Variants in HSPA12A observed in about 807,000 individuals in gnomAD.
HSPA12A encodes the protein heat shock protein family A (Hsp70) member 12A, also known as heat shock 70 kDa protein 12A.
HSPA12A carries 28 observed loss-of-function variants against 69.2 expected under a neutral mutation model. The observed-to-expected ratio is 0.40, with a 90% CI of 0.30 to 0.55. The LOEUF is 0.55. Ranked by LOEUF, HSPA12A falls within the 20% of genes least tolerant of loss-of-function variation. The probability of loss-of-function intolerance (pLI) is 0.38; values close to 1 mark genes in which losing one functional copy is unlikely to be tolerated. For synonymous variants in HSPA12A, 345 were observed against 370.5 expected (o/e 0.93, Z 0.79); for missense variants, 686 against 900.7 (o/e 0.76, Z 3.05).
intron 2 of HSPA12A, among the ~76,000 whole-genome samples, chr10:116,755,623 A>AG (rs1348653020): frequency 6.6e-6 from 1 of 151,094 alleles, no homozygotes; most frequent in Non-Finnish European, 1.5e-5. Context: ...AAAAAAAAAA[A>AG]AAAAAAAAAG....
chr10:116,848,977 C>T (rs1845964542), intron 1 of HSPA12A, among the ~76,000 whole-genome samples: 1 of 152,226 alleles, frequency 6.6e-6, no homozygotes, highest in African/African-American at 2.4e-5. Context: ...CGGCTCAGAG[C>T]AGGTAGTTAA....
chr10:116,758,197 G>C (rs1337721206), intron 2 of HSPA12A, among the ~76,000 whole-genome samples: 1 of 152,200 alleles, frequency 6.6e-6, no homozygotes, highest in Admixed American at 6.5e-5. Flanking sequence ...AAGGTACCTT[G>C]ATACATGGAT....
chr10:116,698,659 C>T lies in HSPA12A; in HGVS notation c.522G>A (p.Gln174=). 1.2e-6 allele frequency: 2 copies of T among 1,613,936 alleles called. No individual in the cohort carries two copies. Among genetic ancestry groups the T allele is most frequent in the East Asian group, 2.2e-5 (1 of 44,882 alleles). ...KALEIFAYAL[Q]YFKEQALKEL... ...CCTTCAGCGCCTGCTCCTTAAAGTA[C>T]TGCAGGGCATAAGCAAAGATTTCAA... The change falls in exon 5 of 12, where the codon CAG becomes CAA. Residue 174 remains glutamine (Q), a synonymous_variant. Coordinates refer to ENST00000369209, the MANE Select transcript of HSPA12A (RefSeq NM_025015.3).
chr10:116,809,639 G>A (rs1845135632), intron 2 of HSPA12A, among the ~76,000 whole-genome samples: 1 of 152,176 alleles, frequency 6.6e-6, no homozygotes, highest in Non-Finnish European at 1.5e-5. Flanking sequence ...GACTGTCTGC[G>A]GGGGAAACCC....
chr10:116,751,985 G>C (rs915620736), intron 2 of HSPA12A, among the ~76,000 whole-genome samples: 6 of 152,192 alleles, frequency 3.9e-5, no homozygotes, highest in Non-Finnish European at 8.8e-5. Context: ...AGCACCGTGA[G>C]CCATTTACAC....
At chr10:116,849,805 G>C (rs1846011113), upstream of HSPA12A, 1 of 1,407,732 alleles carries the variant, frequency 7.1e-7, no homozygotes, top group Non-Finnish European at 9.5e-7. Context: ...AACGCCTTGC[G>C]CCTGCGCCTG....
At chr10:116,742,286 C>T in intron 1 of HSPA12A, 144 bp downstream of exon 1, 1 of 899,896 alleles carries the variant, frequency 1.1e-6, no homozygotes, top group Non-Finnish European at 1.5e-6. Flanking sequence ...CTGCTGACCC[C>T]GGCCCCGCCC....
intron 2 of HSPA12A, among the ~76,000 whole-genome samples, chr10:116,793,147 G>T (rs1246835331): frequency 6.6e-6 from 1 of 152,152 alleles, no homozygotes; most frequent in East Asian, 1.9e-4. Flanking sequence ...TTCTCCACTA[G>T]CAAACTACAA....
At chr10:116,757,430 C>A (rs782284214) in intron 2 of HSPA12A, among the ~76,000 whole-genome samples, 3 of 152,176 alleles carry the variant, frequency 2.0e-5, no homozygotes, top group Admixed American at 6.5e-5. Flanking sequence ...CCCGTGTAGA[C>A]AACCAGGCCC....
At chr10:116,826,009 A>G (rs1393432372) in intron 2 of HSPA12A, among the ~76,000 whole-genome samples, 1 of 152,136 alleles carries the variant, frequency 6.6e-6, no homozygotes, top group Non-Finnish European at 1.5e-5. Context: ...CCACCTACAG[A>G]TGTGTGAAGG....
chr10:116,828,335 T>G (rs1845549363), intron 2 of HSPA12A, among the ~76,000 whole-genome samples: 1 of 152,168 alleles, frequency 6.6e-6, no homozygotes, highest in African/African-American at 2.4e-5. Context: ...ACAGAATGAC[T>G]GTTCACCTCC....
rs1168284079 is a variant in HSPA12A, at chr10:116,673,721, A to C, written c.*1060T>G. 2 of 152,212 alleles carry C rather than the reference A, an allele frequency of 1.3e-5. No individual in the cohort carries two copies. The highest frequency in any genetic ancestry group is 2.9e-5 in the Non-Finnish European group (2 of 68,048). The allele number at this position is 152,212 out of a possible 1,614,324, so 9.4% of individuals were successfully genotyped here. A position where few individuals can be genotyped will look rare whatever the true frequency, so the allele number is the denominator to read the frequency against. On this transcript the variant is annotated 3_prime_UTR_variant, in exon 12 of 12. Coordinates refer to ENST00000369209, the MANE Select transcript of HSPA12A (RefSeq NM_025015.3). Reference sequence around the variant, plus strand: ...AATTATTTTTAGAGAGACTTGAAAAACTGAAGATTTTAATGAAACATTGCA... The same window carrying C: ...AATTATTTTTAGAGAGACTTGAAAACCTGAAGATTTTAATGAAACATTGCA...
chr10:116,793,157 A>G (rs72831619), intron 2 of HSPA12A, among the ~76,000 whole-genome samples: 181 of 152,374 alleles, frequency 1.2e-3, no homozygotes, highest in South Asian at 2.3e-3. Context: ...GCAAACTACA[A>G]TAAAGGAAAC....
intron 2 of HSPA12A, among the ~76,000 whole-genome samples, chr10:116,823,825 A>G (rs1845450843): frequency 1.3e-5 from 2 of 152,208 alleles, no homozygotes; most frequent in African/African-American, 4.8e-5. Flanking sequence ...TACAGATATA[A>G]GTCTTTGTGG....
At chr10:116,751,124 G>A in intron 2 of HSPA12A, 1 of 177,742 alleles carries the variant, frequency 5.6e-6, no homozygotes, top group Non-Finnish European at 1.3e-5. Flanking sequence ...AGAAAAGGAA[G>A]AGAGAAGGAA....
intron 2 of HSPA12A, among the ~76,000 whole-genome samples, chr10:116,822,066 G>C (rs921372186): frequency 6.6e-6 from 1 of 152,200 alleles, no homozygotes; most frequent in South Asian, 2.1e-4. Context: ...ACTTTGTATA[G>C]AGCAGTAGTA....
intron 2 of HSPA12A, among the ~76,000 whole-genome samples, chr10:116,755,905 C>T (rs782497295): frequency 3.3e-5 from 5 of 151,836 alleles, no homozygotes; most frequent in Non-Finnish European, 7.4e-5. Context: ...GTGGGAGGAT[C>T]ACCTGAGCCT....
chr10:116,694,489 CACAA>C (rs1188760781), intron 5 of HSPA12A, among the ~76,000 whole-genome samples: 1 of 152,204 alleles, frequency 6.6e-6, no homozygotes, highest in Non-Finnish European at 1.5e-5. Context: ...CTGAGGAATT[CACAA>C]ACAACCACCC....
intron 2 of HSPA12A, among the ~76,000 whole-genome samples, chr10:116,803,981 C>A (rs1767967850): frequency 6.6e-6 from 1 of 152,126 alleles, no homozygotes; most frequent in Non-Finnish European, 1.5e-5. Flanking sequence ...CTCCTAAGTA[C>A]ACGGAGAAGC....
Sources: gnomAD v4.1 joint callset for allele counts (sites outside exome capture counted in the v4.1 genomes callset) on GRCh38, gnomAD v4.1.1 for gene constraint, MANE v1.5 for transcripts, NCBI Gene and HGNC (gene_info 2026-07-23, HGNC 2026-07-21) for gene names.